The following SI variants were observed in gnomAD, a reference collection of about 807,000 sequenced individuals.
SI encodes the protein sucrase-isomaltase.
In SI, 235 loss-of-function variants were observed where a neutral mutation model predicts 253.3. The ratio of observed to expected loss-of-function variants is 0.93; its 90% confidence interval spans 0.83 to 1.03. The LOEUF (loss-of-function observed/expected upper bound fraction) is 1.03, where lower values mean the gene tolerates loss of function less well. SI is among the 50% of genes least tolerant of loss of function. SI has a pLI of 0.00. For missense variants in SI, 2,442 were observed against 2,211.1 expected, an observed-to-expected ratio of 1.10 and a Z score of -2.09; for synonymous variants, 819 against 712.0, an observed-to-expected ratio of 1.15 and a Z score of -2.39.
At position 165,016,683 on chromosome 3, in the gene SI, G is replaced by A. The variant is rs116038954; in HGVS notation, c.3760-603C>T. Among the ~76,000 whole-genome samples the A allele has an allele frequency of 5.1e-3, 781 of 151,952 alleles. 9 individuals are homozygous for A. Among genetic ancestry groups the A allele is most frequent in the African/African-American group, 0.018 (744 of 41,504 alleles). The stretch of plus-strand genomic sequence containing the variant: ...GTTTAAACCAACAAATATTTGAATT[G>A]TATCATGGAATATTCAATTGAAGCC... On this transcript the variant is annotated intron_variant, in intron 31 of 47. Coordinates refer to ENST00000264382, the MANE Select transcript of SI (RefSeq NM_001041.4).
intron 2 of SI, among the ~76,000 whole-genome samples, chr3:165,075,218 C>T (rs1258589304): frequency 2.0e-5 from 3 of 151,976 alleles, no homozygotes; most frequent in South Asian, 2.1e-4. Flanking sequence ...CTTCATAATA[C>T]AGTAAGCTCT....
upstream of SI, among the ~76,000 whole-genome samples, chr3:165,081,637 A>G (rs1427026190): frequency 6.6e-6 from 1 of 152,068 alleles, no homozygotes; most frequent in Non-Finnish European, 1.5e-5. Context: ...ATATTTCAAA[A>G]TATTAAATAA....
chr3:165,009,016 A>G (rs2108159056), intron 35 of SI, among the ~76,000 whole-genome samples: 1 of 152,186 alleles, frequency 6.6e-6, no homozygotes, highest in African/African-American at 2.4e-5. Context: ...ATAAATATTT[A>G]CAAGGATTTA....
chr3:165,015,340 GCTCT>G, intron 32 of SI, 107 bp from the exon 33 acceptor site: 3 of 753,490 alleles, frequency 4.0e-6, no homozygotes, highest in Non-Finnish European at 7.1e-6. Flanking sequence ...ATAATAATGT[GCTCT>G]CACATTAAAT....
At chr3:165,068,678 A>C in intron 5 of SI, 44 bp downstream of exon 5, 1 of 1,425,170 alleles carries the variant, frequency 7.0e-7, no homozygotes. Context: ...CAGCCCATCA[A>C]ATGTCTTTTA....
intron 41 of SI, 31 bp downstream of exon 41, chr3:164,994,226 T>TTTTCTCAC: frequency 6.3e-7 from 1 of 1,592,074 alleles, no homozygotes; most frequent in South Asian, 1.1e-5. Flanking sequence ...AGTATCTCTC[T>TTTTCTCAC]GTGATAAGAG....
intron 25 of SI, among the ~76,000 whole-genome samples, chr3:165,028,552 A>G (rs1230441406): frequency 6.6e-6 from 1 of 151,580 alleles, no homozygotes; most frequent in Non-Finnish European, 1.5e-5. Flanking sequence ...CTATAAAGCC[A>G]TAGTCACCAA....
chr3:164,990,890 A>T (rs1048860733), intron 44 of SI, among the ~76,000 whole-genome samples: 4 of 148,968 alleles, frequency 2.7e-5, no homozygotes, highest in African/African-American at 1.0e-4. Context: ...CTAAAACTTA[A>T]AGTATAGTAA....
intron 22 of SI, among the ~76,000 whole-genome samples, chr3:165,035,409 G>A (rs1005239353): frequency 3.3e-5 from 5 of 151,822 alleles, no homozygotes; most frequent in Admixed American, 3.3e-4. Context: ...CTAATACATT[G>A]AAATAATGCC....
At chr3:164,983,093 A>C in intron 45 of SI, 42 bp from the exon 46 acceptor site, 1 of 1,513,266 alleles carries the variant, frequency 6.6e-7, no homozygotes, top group Non-Finnish European at 9.1e-7. Flanking sequence ...GTTATTTCCA[A>C]AGAAGAACCA....
chr3:165,040,090 G>T, intron 18 of SI, 119 bp from the exon 19 acceptor site: 2 of 784,432 alleles, frequency 2.5e-6, no homozygotes, highest in Non-Finnish European at 2.2e-6. Context: ...AATTGTGCTT[G>T]TTTCAGATGA....
Position 165,058,968 on chromosome 3 carries a change from C to CA in SI, c.1392dup (p.Gly465TrpfsTer12). 6.2e-7 allele frequency: 1 copy of CA among 1,609,750 alleles called. No individual in the cohort carries two copies. Among genetic ancestry groups the CA allele is most frequent in the Non-Finnish European group, 8.5e-7 (1 of 1,177,132 alleles). ...TAATAAATATCATATTTTACCTCTCCAATAATTGGTGTACTTCCATCTGAC... is the reference window on the plus strand; with the variant it reads ...TAATAAATATCATATTTTACCTCTCCAAATAATTGGTGTACTTCCATCTGAC... On this transcript the variant is annotated frameshift_variant, in exon 12 of 48. Coordinates refer to ENST00000264382, the MANE Select transcript of SI (RefSeq NM_001041.4). LOFTEE classifies it high-confidence loss of function.
At chr3:165,069,047 T>C (rs1044457837) in intron 4 of SI, 31 bp downstream of exon 4, 3 of 1,402,148 alleles carry the variant, frequency 2.1e-6, no homozygotes, top group Non-Finnish European at 3.0e-6. Flanking sequence ...GAATATATCA[T>C]ATTGAATCAT....
intron 20 of SI, 63 bp from the exon 21 acceptor site, chr3:165,038,087 A>C: frequency 1.4e-6 from 2 of 1,422,664 alleles, no homozygotes; most frequent in Non-Finnish European, 2.0e-6. Flanking sequence ...CTATTTCACA[A>C]GAATTAAAAG....
chr3:165,039,834 G>T, intron 19 of SI, 53 bp downstream of exon 19: 1 of 1,215,298 alleles, frequency 8.2e-7, no homozygotes, highest in Non-Finnish European at 1.2e-6. Flanking sequence ...ATGTAGGGTC[G>T]ATTTAGTTAT....
intron 38 of SI, among the ~76,000 whole-genome samples, chr3:164,997,184 C>T (rs73018887): frequency 0.25 from 37,180 of 151,318 alleles, 7,772 homozygotes; most frequent in African/African-American, 0.58. Flanking sequence ...AAAAACTGAA[C>T]CATTCTTATT....
At chr3:165,051,576 A>C (rs771051968) in intron 13 of SI, among the ~76,000 whole-genome samples, 2 of 152,108 alleles carry the variant, frequency 1.3e-5, no homozygotes, top group Non-Finnish European at 2.9e-5. Flanking sequence ...AATAACATTA[A>C]ATTTTTAAAA....
rs113986578 is a variant in SI at position 165,042,915 on chromosome 3, G to T, written c.2004+144C>A. The T allele has an allele frequency of 5.1e-4, 345 of 677,404 alleles. No homozygotes were observed. In the African/African-American group the frequency reaches 5.3e-3, roughly 10 times the overall value. 42.0% of individuals were successfully genotyped at this position (677,404 alleles called of 1,614,324 possible). On this transcript the variant is annotated intron_variant, in intron 17 of 47. Coordinates refer to ENST00000264382, the MANE Select transcript of SI (RefSeq NM_001041.4). Reference sequence around the variant, plus strand: ...GTAAAAATATACAAAATATGTATAGGACTTGAGAGAGGGACTTCTAACAAT... The same window carrying T: ...GTAAAAATATACAAAATATGTATAGTACTTGAGAGAGGGACTTCTAACAAT...
intron 3 of SI, among the ~76,000 whole-genome samples, chr3:165,071,097 G>T (rs1208742522): frequency 6.6e-6 from 1 of 151,970 alleles, no homozygotes; most frequent in Non-Finnish European, 1.5e-5. Flanking sequence ...AATTTACTAC[G>T]ACTACATCTT....
Sources: allele counts gnomAD v4.1 joint callset (sites outside exome capture counted in the v4.1 genomes callset), GRCh38; gene constraint gnomAD v4.1.1; transcripts MANE v1.5; gene names NCBI Gene and HGNC (gene_info 2026-07-23, HGNC 2026-07-21).